GPM6B: variants seen among roughly 807,000 people sequenced by gnomAD.
GPM6B encodes the protein neuronal membrane glycoprotein M6-b.
GPM6B carries 4 observed loss-of-function variants against 27.2 expected under a neutral mutation model. That is an observed-to-expected ratio of 0.15 (90% CI 0.07 to 0.34). GPM6B has a LOEUF of 0.34. GPM6B is among the 10% of genes least tolerant of loss of function. GPM6B has a pLI of 1.00. For missense variants in GPM6B, 183 were observed against 261.9 expected, an observed-to-expected ratio of 0.70 and a Z score of 2.08; for synonymous variants, 124 against 103.1, an observed-to-expected ratio of 1.20 and a Z score of -1.23.
chrX:13,931,299 T>C (rs996695721), intron 1 of GPM6B, among the ~76,000 whole-genome samples: 76 of 110,433 alleles, frequency 6.9e-4, no homozygotes, highest in Non-Finnish European at 1.0e-3. Flanking sequence ...AAGGTCAGGC[T>C]ATCATGGTGA....
chrX:13,780,331 C>T (rs1017343643), intron 4 of GPM6B, among the ~76,000 whole-genome samples: 1 of 111,977 alleles, frequency 8.9e-6, no homozygotes. Flanking sequence ...AAGAGGTGCT[C>T]TTTCTAAATA....
intron 1 of GPM6B, chrX:13,889,056 T>C (rs1397498715): frequency 3.6e-5 from 4 of 111,687 alleles, no homozygotes; most frequent in African/African-American, 1.3e-4. Flanking sequence ...CACGTTGGAA[T>C]TAACTGGAGA....
intron 1 of GPM6B, among the ~76,000 whole-genome samples, chrX:13,851,622 C>A (rs1265190324): frequency 1.1e-5 from 1 of 93,260 alleles, no homozygotes; most frequent in East Asian, 3.7e-4. Context: ...GGTAAAGTCA[C>A]CTCAGGCATG....
At chrX:13,874,222 C>T (rs768647687) in intron 1 of GPM6B, among the ~76,000 whole-genome samples, 4 of 111,699 alleles carry the variant, frequency 3.6e-5, no homozygotes, top group Non-Finnish European at 5.6e-5. Flanking sequence ...TTTTAAAAAG[C>T]CTACACTTTT....
At chrX:13,903,456 G>C (rs2050300585) in intron 1 of GPM6B, among the ~76,000 whole-genome samples, 1 of 111,980 alleles carries the variant, frequency 8.9e-6, no homozygotes, top group Non-Finnish European at 1.9e-5. Flanking sequence ...TTGAAGCTCA[G>C]GGAGAATAAG....
chrX:13,817,295 A>G (rs1449878666), upstream of GPM6B: 1 of 767,649 alleles, frequency 1.3e-6, no homozygotes, highest in African/African-American at 2.3e-5. Context: ...TAAGATCTCA[A>G]TCTCGATCTC....
chrX:13,793,080 G>C (rs747336522), intron 2 of GPM6B, among the ~76,000 whole-genome samples: 1 of 109,224 alleles, frequency 9.2e-6, no homozygotes, highest in South Asian at 4.0e-4. Flanking sequence ...TTCAGGAAAA[G>C]CCAACCAGCA....
chrX:13,802,316 C>T (rs1337222500), intron 2 of GPM6B, among the ~76,000 whole-genome samples: 2 of 110,825 alleles, frequency 1.8e-5, no homozygotes, highest in East Asian at 2.8e-4. Context: ...ACACTCAATA[C>T]TCATCGATCT....
chrX:13,926,669 T>G (rs1256825134), intron 1 of GPM6B, among the ~76,000 whole-genome samples: 2 of 111,809 alleles, frequency 1.8e-5, no homozygotes, highest in African/African-American at 6.5e-5. Flanking sequence ...AAGAGTGAAT[T>G]ATTAAGTGCA....
At chrX:13,774,551 T>G in intron 7 of GPM6B, 2 of 1,207,221 alleles carry the variant, frequency 1.7e-6, no homozygotes, top group Non-Finnish European at 2.2e-6. Flanking sequence ...AATTTAGAAT[T>G]TAGTGCAGCA....
At chrX:13,814,566 CTTAAAG>C (rs765461032) in intron 1 of GPM6B, among the ~76,000 whole-genome samples, 106 of 110,931 alleles carry the variant, frequency 9.6e-4, no homozygotes, top group South Asian at 1.5e-3. Flanking sequence ...TTTTAATAAA[CTTAAAG>C]TTAAATCTGA....
At chrX:13,879,095 G>C (rs985896050) in intron 1 of GPM6B, among the ~76,000 whole-genome samples, 6 of 112,185 alleles carry the variant, frequency 5.3e-5, no homozygotes, top group African/African-American at 1.9e-4. Context: ...AGCGGCCACA[G>C]GAAACAGATA....
intron 2 of GPM6B, among the ~76,000 whole-genome samples, chrX:13,807,083 G>T (rs1371815780): frequency 1.8e-5 from 2 of 112,347 alleles, no homozygotes; most frequent in African/African-American, 6.5e-5. Context: ...AAGGAAAATG[G>T]AAACCGGACC....
intron 1 of GPM6B, among the ~76,000 whole-genome samples, chrX:13,884,574 T>C (rs1303345194): frequency 8.9e-6 from 1 of 112,388 alleles, no homozygotes; most frequent in African/African-American, 3.2e-5. Context: ...TAAGGACCTA[T>C]CAATCGATAA....
chrX:13,887,513 T>A (rs1269756183), intron 1 of GPM6B, among the ~76,000 whole-genome samples: 1 of 111,694 alleles, frequency 9.0e-6, no homozygotes, highest in Non-Finnish European at 1.9e-5. Flanking sequence ...CTTTCCTCCT[T>A]GAAGTTATAA....
intron 1 of GPM6B, among the ~76,000 whole-genome samples, chrX:13,893,710 C>T (rs1322643739): frequency 3.6e-5 from 4 of 112,175 alleles, no homozygotes; most frequent in Non-Finnish European, 5.6e-5. Context: ...GGCTCATACA[C>T]CAAAAGTCAC....
chrX:13,843,197 G>GATATGTAGT (rs770709100), intron 1 of GPM6B, among the ~76,000 whole-genome samples: 7 of 112,096 alleles, frequency 6.2e-5, no homozygotes, highest in Admixed American at 1.9e-4. Context: ...TGGACACATG[G>GATATGTAGT]ATATGTAGTC....
chrX:13,829,203 G>A (rs1035956018), intron 1 of GPM6B, among the ~76,000 whole-genome samples: 4 of 111,150 alleles, frequency 3.6e-5, no homozygotes, highest in African/African-American at 1.3e-4. Flanking sequence ...ACACACTTCC[G>A]CAACTCAGGA....
chrX:13,937,679 A>G (rs1422342964), intron 1 of GPM6B, among the ~76,000 whole-genome samples: 1 of 111,758 alleles, frequency 8.9e-6, no homozygotes, highest in Non-Finnish European at 1.9e-5. Context: ...CTCCCAATAC[A>G]GAGTCCCCAC....
Sources: gnomAD v4.1 joint callset for allele counts (sites outside exome capture counted in the v4.1 genomes callset) on GRCh38, gnomAD v4.1.1 for gene constraint, MANE v1.5 for transcripts, NCBI Gene and HGNC (gene_info 2026-07-23, HGNC 2026-07-21) for gene names.